Variants in NT5DC3 observed in about 807,000 individuals in gnomAD.
The protein encoded by NT5DC3 is 5'-nucleotidase domain containing 3, also known as 5'-nucleotidase domain-containing protein 3.
In NT5DC3, 42 loss-of-function variants were observed where a neutral mutation model predicts 67.8. The observed-to-expected ratio is 0.62, with a 90% CI of 0.48 to 0.80. The LOEUF (loss-of-function observed/expected upper bound fraction) is 0.80, where lower values mean the gene tolerates loss of function less well. NT5DC3 is among the 30% of genes least tolerant of loss of function. The pLI is 0.00. For synonymous variants in NT5DC3, 237 were observed against 255.6 expected (o/e 0.93, Z 0.69); for missense variants, 570 against 696.4 (o/e 0.82, Z 2.04).
At chr12:103,747,016 G>T in the NT5DC3 span, among the ~76,000 whole-genome samples, 3,435 of 143,616 alleles carry the variant, frequency 0.024, 60 homozygotes, top group Non-Finnish European at 0.035. Flanking sequence ...GAGTGCAATG[G>T]TGCAATCTTG....
Position 103,830,195 on chromosome 12 carries a change from A to T in NT5DC3, c.208+10754T>A, listed in dbSNP as rs191798729. ...TTAGCCCCATTTTACATATAAGGAA[A>T]CTGAGACACACAGACATCATTTGCC... On this transcript the variant is annotated intron_variant, in intron 1 of 13. Transcript: ENST00000392876. 2.0e-5 allele frequency among the ~76,000 whole-genome samples: 3 copies of T among 152,378 alleles called. No homozygotes were observed. In the East Asian group the frequency reaches 5.8e-4, roughly 29 times the overall value.
rs764203408 is a variant in NT5DC3 at position 103,777,535 on chromosome 12, T to C, written c.*294A>G. 27 of 401,314 alleles carry C rather than the reference T, an allele frequency of 6.7e-5. No individual in the cohort carries two copies. Among genetic ancestry groups the C allele is most frequent in the Non-Finnish European group, 1.0e-4 (23 of 225,092 alleles). The allele number at this position is 401,314 out of a possible 1,614,324, so 24.9% of individuals were successfully genotyped here. ...GCTAGAATACAGACATGGCATCAAGTGGTCTCACCTATCCCAGGAAACCTG... is the reference window on the plus strand; with the variant it reads ...GCTAGAATACAGACATGGCATCAAGCGGTCTCACCTATCCCAGGAAACCTG... On this transcript the variant is annotated 3_prime_UTR_variant, in exon 14 of 14. Transcript: ENST00000392876.
chr12:103,788,077 C>T (rs976938419), intron 10 of NT5DC3, among the ~76,000 whole-genome samples: 12 of 152,018 alleles, frequency 7.9e-5, no homozygotes, highest in African/African-American at 2.9e-4. Flanking sequence ...ACTTTAGTAA[C>T]ATAATAATGG....
chr12:103,779,327 A>G (rs955384130), intron 13 of NT5DC3, among the ~76,000 whole-genome samples: 1 of 152,158 alleles, frequency 6.6e-6, no homozygotes, highest in Non-Finnish European at 1.5e-5. Context: ...CTGGGACCCT[A>G]CACACAGAGT....
the NT5DC3 span, chr12:103,761,478 C>G: frequency 1.4e-6 from 2 of 1,384,468 alleles, no homozygotes; most frequent in Non-Finnish European, 2.0e-6. Context: ...ACAGGCAAAC[C>G]ATTACCAGAA....
At chr12:103,765,177 A>G in the NT5DC3 span, among the ~76,000 whole-genome samples, 2 of 151,678 alleles carry the variant, frequency 1.3e-5, no homozygotes, top group East Asian at 3.9e-4. Flanking sequence ...AATCACCTTC[A>G]TTTAAAAAGC....
At chr12:103,749,841 C>CAAAAGAAAAAAA in the NT5DC3 span, among the ~76,000 whole-genome samples, 1 of 51,132 alleles carries the variant, frequency 2.0e-5, no homozygotes, top group Non-Finnish European at 3.5e-5. Flanking sequence ...CTCTGTCTCA[C>CAAAAGAAAAAAA]AAAAAAAAAA....
At chr12:103,746,532 TCCTTAGA>T in the NT5DC3 span, 1 of 1,500,194 alleles carries the variant, frequency 6.7e-7, no homozygotes, top group Non-Finnish European at 9.3e-7. Context: ...TTGGAAAGTC[TCCTTAGA>T]TGGGTTTTAA....
chr12:103,759,560 A>G, the NT5DC3 span, among the ~76,000 whole-genome samples: 1 of 152,204 alleles, frequency 6.6e-6, no homozygotes, highest in Non-Finnish European at 1.5e-5. Context: ...AGACTATTCC[A>G]GGCATTAACA....
chr12:103,762,077 CTT>C, the NT5DC3 span, among the ~76,000 whole-genome samples: 1 of 152,204 alleles, frequency 6.6e-6, no homozygotes, highest in African/African-American at 2.4e-5. Context: ...CTCCCTATCT[CTT>C]TGGGTTATTA....
downstream of NT5DC3, among the ~76,000 whole-genome samples, chr12:103,767,149 T>G (rs1885017335): frequency 1.3e-5 from 2 of 152,200 alleles, no homozygotes; most frequent in African/African-American, 4.8e-5. Flanking sequence ...ACAGTAGCAT[T>G]ATTCATAAAA....
intron 2 of NT5DC3, among the ~76,000 whole-genome samples, chr12:103,814,363 G>A (rs1239636622): frequency 6.6e-6 from 1 of 152,164 alleles, no homozygotes; most frequent in Non-Finnish European, 1.5e-5. Flanking sequence ...TTCCCGGGAG[G>A]GGTCTCAAAG....
In NT5DC3 at chr12:103,788,869, T is replaced by G; in HGVS notation, c.1070A>C (p.His357Pro). Reference protein sequence around the residue: ...EKGVLLWDKIHKLQKGQIYKQ... With the variant: ...EKGVLLWDKIPKLQKGQIYKQ... ...GTATATCTGGCCTTTCTGCAACTTATGGATTTTATCCCAGAGTAAGACACC... is the reference window on the plus strand; with the variant it reads ...GTATATCTGGCCTTTCTGCAACTTAGGGATTTTATCCCAGAGTAAGACACC... The change falls in exon 10 of 14, where the codon CAT becomes CCT. Residue 357 changes from histidine (H) to proline (P), a missense_variant. This residue lies in a region of NT5DC3 where 466 missense variants were observed against 608.0 expected (regional missense o/e 0.77). Coordinates refer to ENST00000392876, the MANE Select transcript of NT5DC3 (RefSeq NM_001031701.3). 1 of 1,613,584 alleles carries G rather than the reference T, an allele frequency of 6.2e-7. No individual in the cohort carries two copies. The highest frequency in any genetic ancestry group is 2.2e-5 in the East Asian group (1 of 44,882).
At chr12:103,750,009 G>T in the NT5DC3 span, among the ~76,000 whole-genome samples, 1 of 152,194 alleles carries the variant, frequency 6.6e-6, no homozygotes, top group Non-Finnish European at 1.5e-5. Context: ...ACCTGGAGGT[G>T]GCTAATTACT....
rs1319337060 is a variant in NT5DC3 at position 103,776,201 on chromosome 12, A to G, written c.*1628T>C. On this transcript the variant is annotated 3_prime_UTR_variant, in exon 14 of 14. Coordinates refer to ENST00000392876, the MANE Select transcript of NT5DC3 (RefSeq NM_001031701.3). The stretch of plus-strand genomic sequence containing the variant: ...GAAGGATACTACAAATGCAGGTGCA[A>G]TTAAGGATTCTTCCCTCCAACAAAA... 1 of 152,210 alleles carries G rather than the reference A, an allele frequency of 6.6e-6. No homozygotes were observed. The highest frequency in any genetic ancestry group is 1.5e-5 in the Non-Finnish European group (1 of 68,040). 9.4% of individuals were successfully genotyped at this position (152,210 alleles called of 1,614,324 possible).
At chr12:103,746,949 CTTT>C in the NT5DC3 span, among the ~76,000 whole-genome samples, 6 of 96,076 alleles carry the variant, frequency 6.2e-5, no homozygotes, top group Non-Finnish European at 2.1e-5. Context: ...GTTTTTCTTT[CTTT>C]TTTTTTTTTT....
At chr12:103,762,437 C>T in the NT5DC3 span, 3 of 1,613,900 alleles carry the variant, frequency 1.9e-6, no homozygotes, top group Non-Finnish European at 2.5e-6. Context: ...ATGATGGGGT[C>T]CTCTCCAAAA....
chr12:103,828,750 T>A (rs1887802788), intron 1 of NT5DC3, among the ~76,000 whole-genome samples: 1 of 148,318 alleles, frequency 6.7e-6, no homozygotes, highest in South Asian at 2.1e-4. Context: ...CAGGCTGGAG[T>A]GCAGTGGTGT....
At chr12:103,763,029 A>C in the NT5DC3 span, among the ~76,000 whole-genome samples, 2 of 152,212 alleles carry the variant, frequency 1.3e-5, no homozygotes, top group African/African-American at 2.4e-5. Flanking sequence ...CAGAGCCCCC[A>C]AGCAGCAGTT....
Sources: allele counts gnomAD v4.1 joint callset (sites outside exome capture counted in the v4.1 genomes callset), GRCh38; gene constraint gnomAD v4.1.1; regional missense constraint gnomAD v4.1.1; transcripts MANE v1.5; gene names NCBI Gene and HGNC (gene_info 2026-07-23, HGNC 2026-07-21).